Variants in ADCY10 observed in about 807,000 individuals in gnomAD.
ADCY10 encodes the protein adenylate cyclase 10.
Under a neutral mutation model 183.3 loss-of-function variants are expected in ADCY10, and 156 were observed. That is an observed-to-expected ratio of 0.85 (90% CI 0.75 to 0.97). ADCY10 has a LOEUF of 0.97. Among genes scored for constraint, ADCY10 ranks in the 50% least tolerant of loss-of-function variants. The probability of loss-of-function intolerance (pLI) is 0.00; values close to 1 mark genes in which losing one functional copy is unlikely to be tolerated. For synonymous variants in ADCY10, 645 were observed against 670.0 expected, an observed-to-expected ratio of 0.96 and a Z score of 0.58; for missense variants, 1,745 against 1,934.3, an observed-to-expected ratio of 0.90 and a Z score of 1.84.
Position 167,837,161 on chromosome 1 carries a change from A to G in ADCY10, c.3077+88T>C, listed in dbSNP as rs76098951. On this transcript the variant is annotated intron_variant, in intron 22 of 32. Coordinates refer to ENST00000367851, the MANE Select transcript of ADCY10 (RefSeq NM_018417.6). The stretch of plus-strand genomic sequence containing the variant: ...CACTTGCATCTAAGAGGTCAAAAGT[A>G]CTGGCCAGACAAATGATTCTAATAG... 1.5e-3 allele frequency: 1,759 copies of G among 1,181,684 alleles called. 17 individuals carry two copies. The African/African-American group carries it at 0.024, about 16-fold the overall frequency. The allele number at this position is 1,181,684 out of a possible 1,614,324, so 73.2% of individuals were successfully genotyped here. A position where few individuals can be genotyped will look rare whatever the true frequency, so the allele number is the denominator to read the frequency against.
chr1:167,840,188 T>G (rs1664511898), intron 21 of ADCY10, among the ~76,000 whole-genome samples: 1 of 151,520 alleles, frequency 6.6e-6, no homozygotes, highest in Admixed American at 6.6e-5. Flanking sequence ...GCCCAGATCA[T>G]GCCACTACAT....
Position 167,841,839 on chromosome 1 carries a change from C to T in ADCY10, c.3007+3724G>A, listed in dbSNP as rs138619712. On this transcript the variant is annotated intron_variant, in intron 21 of 32. Transcript: ENST00000367851. ...TTCTCCAACAGAATGCTGTTTTGTTCACCGATGCATTTCAGATGCCTAGAG... is the reference window on the plus strand; with the variant it reads ...TTCTCCAACAGAATGCTGTTTTGTTTACCGATGCATTTCAGATGCCTAGAG... Among the ~76,000 whole-genome samples, 523 of 152,290 alleles carry T rather than the reference C, an allele frequency of 3.4e-3. 5 individuals carry two copies. Among genetic ancestry groups the T allele is most frequent in the South Asian group, 0.01 (50 of 4,822 alleles).
At chr1:167,862,425 A>G (rs957345238) in intron 14 of ADCY10, among the ~76,000 whole-genome samples, 2 of 152,150 alleles carry the variant, frequency 1.3e-5, no homozygotes, top group Non-Finnish European at 2.9e-5. Context: ...CGCTTCTACA[A>G]GCCATCTTTG....
chr1:167,873,862 A>G (rs1361827138), intron 13 of ADCY10, among the ~76,000 whole-genome samples: 1 of 152,256 alleles, frequency 6.6e-6, no homozygotes, highest in Non-Finnish European at 1.5e-5. Context: ...TAAAGTTAAG[A>G]ATTCTGTTTA....
Position 167,856,293 on chromosome 1 carries a change from T to TGCACAGGGAATGTTAACGAAGGG in ADCY10, c.2020_2042dup (p.Ala682ProfsTer13). 1 of 1,614,022 alleles carries TGCACAGGGAATGTTAACGAAGGG rather than the reference T, an allele frequency of 6.2e-7. No individual in the cohort carries two copies. ...TGTTCTTTATTACGGCCCTGGCAGC[T>TGCACAGGGAATGTTAACGAAGGG]GCACAGGGAATGTTAACGAAGGGAC... On this transcript the variant is annotated frameshift_variant, in exon 17 of 33. Transcript: ENST00000367851. LOFTEE classifies it high-confidence loss of function.
Position 167,809,655 on chromosome 1 carries a change from TA to T in ADCY10, c.*22del. 6.2e-7 allele frequency: 1 copy of T among 1,613,438 alleles called. No individual in the cohort carries two copies. Among genetic ancestry groups the T allele is most frequent in the Non-Finnish European group, 8.5e-7 (1 of 1,179,356 alleles). On this transcript the variant is annotated 3_prime_UTR_variant, in exon 33 of 33. Transcript: ENST00000367851. ...ATAATCACAAGGACATAGTGCTTAT[TA>T]AAATCTTTTTTCTTTGACATGTTAG...
At chr1:167,891,396 T>C (rs1048642102) in intron 8 of ADCY10, among the ~76,000 whole-genome samples, 6 of 151,424 alleles carry the variant, frequency 4.0e-5, no homozygotes, top group South Asian at 4.2e-4. Flanking sequence ...GTGGCTCACA[T>C]CTGTAATCCC....
rs1664346725 is a variant in ADCY10, at chr1:167,837,952, GA to G, written c.3008-635del. ...AAAATTCCATAATGATCTTAAAACA[GA>G]AAACAAATGAGGCTTGTCTAGTCCA... On this transcript the variant is annotated intron_variant, in intron 21 of 32. Coordinates refer to ENST00000367851, the MANE Select transcript of ADCY10 (RefSeq NM_018417.6). Among the ~76,000 whole-genome samples the G allele has an allele frequency of 2.0e-5, 3 of 152,202 alleles. No homozygotes were observed. The South Asian group carries it at 6.2e-4, about 32-fold the overall frequency.
intron 8 of ADCY10, 67 bp from the exon 9 acceptor site, chr1:167,883,695 C>A (rs1023682321): frequency 8.3e-6 from 12 of 1,451,356 alleles, no homozygotes; most frequent in Non-Finnish European, 1.2e-5. Context: ...ACACCGCCCC[C>A]ACCTCATACC....
chr1:167,836,051 T>A (rs1242595018), intron 23 of ADCY10, among the ~76,000 whole-genome samples: 1 of 152,196 alleles, frequency 6.6e-6, no homozygotes. Context: ...TTACCTCCCA[T>A]ACAGGTAGAC....
chr1:167,868,079 G>A (rs1210581263), intron 14 of ADCY10, among the ~76,000 whole-genome samples: 1 of 152,180 alleles, frequency 6.6e-6, no homozygotes. Flanking sequence ...AAAAGAGGAG[G>A]TTCGTAAACT....
At chr1:167,912,418 T>C (rs1243719236) in intron 1 of ADCY10, among the ~76,000 whole-genome samples, 4 of 152,184 alleles carry the variant, frequency 2.6e-5, no homozygotes, top group African/African-American at 9.7e-5. Context: ...CACCTCCACA[T>C]ACTCCCACGT....
In ADCY10 at chr1:167,865,307, G is replaced by A. The variant is rs114153501; in HGVS notation, c.1617-4244C>T. On this transcript the variant is annotated intron_variant, in intron 14 of 32. Coordinates refer to ENST00000367851, the MANE Select transcript of ADCY10 (RefSeq NM_018417.6). Reference sequence around the variant, plus strand: ...TTAATTGTAAAAAAAAATTCTGTGTGTAAACTAATTAGCTAAAGATAAAAA... The same window carrying A: ...TTAATTGTAAAAAAAAATTCTGTGTATAAACTAATTAGCTAAAGATAAAAA... 6.9e-3 allele frequency among the ~76,000 whole-genome samples: 1,056 copies of A among 152,286 alleles called. 11 individuals carry two copies. Among genetic ancestry groups the A allele is most frequent in the African/African-American group, 0.024 (1,014 of 41,570 alleles).
intron 14 of ADCY10, among the ~76,000 whole-genome samples, chr1:167,861,889 T>G (rs935358534): frequency 3.3e-5 from 5 of 152,164 alleles, no homozygotes; most frequent in Admixed American, 6.5e-5. Context: ...TCTCATGAGA[T>G]TTGATGGTTT....
At position 167,809,569 on chromosome 1, in the gene ADCY10, G is replaced by T; in HGVS notation, c.*109C>A. 1 of 1,203,346 alleles carries T rather than the reference G, an allele frequency of 8.3e-7. No homozygotes were observed. Among genetic ancestry groups the T allele is most frequent in the Non-Finnish European group, 1.2e-6 (1 of 814,322 alleles). 74.5% of individuals were successfully genotyped at this position (1,203,346 alleles called of 1,614,324 possible). ...ATCAACATGTCTGTTTCTGTGTCTG[G>T]AACAGAAGAGATTATGTAGGAACCT... On this transcript the variant is annotated 3_prime_UTR_variant, in exon 33 of 33. Transcript: ENST00000367851.
intron 16 of ADCY10, among the ~76,000 whole-genome samples, chr1:167,858,120 C>T (rs1415834882): frequency 1.3e-5 from 2 of 152,092 alleles, no homozygotes; most frequent in Non-Finnish European, 2.9e-5. Context: ...ATGCCACCAA[C>T]TTATATCGAT....
At chr1:167,907,089 C>G (rs1669869854) in intron 1 of ADCY10, among the ~76,000 whole-genome samples, 1 of 152,150 alleles carries the variant, frequency 6.6e-6, no homozygotes, top group African/African-American at 2.4e-5. Context: ...TAAATAAATT[C>G]TAGCTAGTCC....
chr1:167,810,595 G>C (rs1662139176), intron 32 of ADCY10, 130 bp downstream of exon 32: 1 of 849,296 alleles, frequency 1.2e-6, no homozygotes, highest in South Asian at 1.4e-5. Context: ...GGTTTCTATT[G>C]TTCATCAATG....
intron 13 of ADCY10, among the ~76,000 whole-genome samples, chr1:167,872,057 C>T (rs1238894192): frequency 6.6e-6 from 1 of 152,030 alleles, no homozygotes; most frequent in Non-Finnish European, 1.5e-5. Flanking sequence ...AATAAAGTTT[C>T]CAGGCTGGGA....
Sources: gnomAD v4.1 joint callset for allele counts (sites outside exome capture counted in the v4.1 genomes callset) on GRCh38, gnomAD v4.1.1 for gene constraint, MANE v1.5 for transcripts, NCBI Gene and HGNC (gene_info 2026-07-23, HGNC 2026-07-21) for gene names.